GRIN3A: variants seen among roughly 807,000 people sequenced by gnomAD.
GRIN3A encodes glutamate receptor ionotropic, NMDA 3A.
Under a neutral mutation model 92.4 loss-of-function variants are expected in GRIN3A, and 47 were observed. The ratio of observed to expected loss-of-function variants is 0.51; its 90% CI spans 0.40 to 0.65. The LOEUF (loss-of-function observed/expected upper bound fraction) is 0.65, where lower values mean the gene tolerates loss of function less well. GRIN3A is among the 30% of genes least tolerant of loss of function. GRIN3A has a pLI of 0.00. For synonymous variants in GRIN3A, 527 were observed against 540.6 expected, an observed-to-expected ratio of 0.97 and a Z score of 0.35; for missense variants, 1,324 against 1,393.1, an observed-to-expected ratio of 0.95 and a Z score of 0.79.
At chr9:101,692,274 C>T (rs1346162577) in intron 1 of GRIN3A, among the ~76,000 whole-genome samples, 2 of 152,126 alleles carry the variant, frequency 1.3e-5, no homozygotes, top group Non-Finnish European at 2.9e-5. Flanking sequence ...GAGTCCTCCC[C>T]ACACCCCCAA....
At chr9:101,686,445 A>C (rs570651513) in intron 2 of GRIN3A, 151 bp downstream of exon 2, 1 of 880,902 alleles carries the variant, frequency 1.1e-6, no homozygotes, top group African/African-American at 1.6e-5. Flanking sequence ...ATCATGAAAT[A>C]CTAGCCTATA....
chr9:101,616,569 T>G (rs2118854533), intron 5 of GRIN3A, among the ~76,000 whole-genome samples: 1 of 152,150 alleles, frequency 6.6e-6, no homozygotes, highest in East Asian at 1.9e-4. Context: ...ACTCAGTTTT[T>G]TATGCGTTAT....
intron 6 of GRIN3A, among the ~76,000 whole-genome samples, chr9:101,582,239 C>A (rs1827896730): frequency 6.6e-6 from 1 of 152,198 alleles, no homozygotes; most frequent in Admixed American, 6.5e-5. Context: ...GGTCAGGACT[C>A]AGAAGAAAAG....
intron 1 of GRIN3A, among the ~76,000 whole-genome samples, chr9:101,725,816 G>A (rs1830077007): frequency 6.6e-6 from 1 of 152,146 alleles, no homozygotes; most frequent in Non-Finnish European, 1.5e-5. Context: ...GGCTTGCAAT[G>A]CTCCTTCCTT....
intron 6 of GRIN3A, among the ~76,000 whole-genome samples, chr9:101,609,545 GTTACTT>G (rs1158957751): frequency 1.3e-5 from 2 of 152,168 alleles, no homozygotes; most frequent in African/African-American, 2.4e-5. Context: ...TTTTAGGTTA[GTTACTT>G]TTACTTTGGA....
At position 101,654,325 on chromosome 9, in the gene GRIN3A, A is replaced by C. The variant is rs7046942; in HGVS notation, c.2352+15735T>G. On this transcript the variant is annotated intron_variant, in intron 3 of 8. Transcript: ENST00000361820. The stretch of plus-strand genomic sequence containing the variant: ...TGCACACACATATCAAATATACATA[A>C]GTACTATATTATACATGCTTTATAT... Among the ~76,000 whole-genome samples, 10 of 150,864 alleles carry C rather than the reference A, an allele frequency of 6.6e-5. No homozygotes were observed. In the East Asian group the frequency reaches 7.8e-4, roughly 12 times the overall value.
intron 6 of GRIN3A, among the ~76,000 whole-genome samples, chr9:101,588,995 G>T (rs754235929): frequency 6.6e-6 from 1 of 151,820 alleles, no homozygotes; most frequent in Middle Eastern, 3.4e-3. Context: ...TTTTGAGATG[G>T]CGTTTCACTG....
chr9:101,585,348 T>C (rs2118796529), intron 6 of GRIN3A, among the ~76,000 whole-genome samples: 1 of 151,922 alleles, frequency 6.6e-6, no homozygotes, highest in South Asian at 2.1e-4. Flanking sequence ...GTTTTTCAGC[T>C]ACACTCATGT....
At chr9:101,731,522 C>T (rs1830139419) in intron 1 of GRIN3A, among the ~76,000 whole-genome samples, 1 of 152,104 alleles carries the variant, frequency 6.6e-6, no homozygotes, top group Non-Finnish European at 1.5e-5. Flanking sequence ...AAGGAGTCAT[C>T]CTGCTTAATT....
At chr9:101,617,857 C>T (rs1828486950) in intron 5 of GRIN3A, among the ~76,000 whole-genome samples, 1 of 143,528 alleles carries the variant, frequency 7.0e-6, no homozygotes, top group Admixed American at 7.2e-5. Flanking sequence ...TCCATGTGAT[C>T]TCATTGTTCA....
At chr9:101,598,396 CAATTG>C (rs1369907773) in intron 6 of GRIN3A, among the ~76,000 whole-genome samples, 1 of 151,944 alleles carries the variant, frequency 6.6e-6, no homozygotes, top group Non-Finnish European at 1.5e-5. Flanking sequence ...ATTATTATCC[CAATTG>C]AATTAATTAG....
intron 6 of GRIN3A, among the ~76,000 whole-genome samples, chr9:101,598,158 C>T (rs1478595150): frequency 6.6e-6 from 1 of 151,822 alleles, no homozygotes; most frequent in African/African-American, 2.4e-5. Context: ...TTATATTAAC[C>T]CAATATATCC....
Position 101,715,469 on chromosome 9 carries a change from TA to T in GRIN3A, c.699+21811del, listed in dbSNP as rs576775604. On this transcript the variant is annotated intron_variant, in intron 1 of 8. Transcript: ENST00000361820. ...CTAGGAGTTCAAAATTCTCCATGTT[TA>T]AAGAAAAAGTTTTATGTAACAAATG... Among the ~76,000 whole-genome samples the T allele has an allele frequency of 5.1e-4, 77 of 152,264 alleles. 1 individual carries two copies. The highest frequency in any genetic ancestry group is 2.7e-3 in the South Asian group (13 of 4,830).
At chr9:101,710,334 G>A (rs1484491996) in intron 1 of GRIN3A, among the ~76,000 whole-genome samples, 1 of 152,192 alleles carries the variant, frequency 6.6e-6, no homozygotes, top group Admixed American at 6.5e-5. Context: ...TGAGTCTCAT[G>A]CATACACACA....
rs766215432 is a variant in GRIN3A at position 101,670,742 on chromosome 9, A to T, written c.1670T>A (p.Leu557His). ...MTNDSSTLDS[L>H]FSSLHSSNDT... is the part of the protein sequence containing the mutation. The stretch of plus-strand genomic sequence containing the variant: ...ATTACTGCTATGGAGGCTGCTAAAA[A>T]GGCTGTCCAATGTGGAAGAGTCATT... The change falls in exon 3 of 9, where the codon CTT (leucine) becomes CAT (histidine). Residue 557 changes from leucine (L) to histidine (H), a missense_variant. Physicochemically the swap from Leu to His is moderately conservative, Grantham distance 99 (BLOSUM62 -3). Coordinates refer to ENST00000361820, the MANE Select transcript of GRIN3A (RefSeq NM_133445.3). 1 of 1,614,080 alleles carries T rather than the reference A, an allele frequency of 6.2e-7. No homozygotes were observed. The highest frequency in any genetic ancestry group is 8.5e-7 in the Non-Finnish European group (1 of 1,179,968).
chr9:101,673,000 A>G (rs1829349496), intron 2 of GRIN3A, among the ~76,000 whole-genome samples: 1 of 152,196 alleles, frequency 6.6e-6, no homozygotes, highest in Non-Finnish European at 1.5e-5. Context: ...TTGTTAAAAC[A>G]CACACATATA....
At chr9:101,716,985 A>T (rs530291158) in intron 1 of GRIN3A, among the ~76,000 whole-genome samples, 1 of 152,264 alleles carries the variant, frequency 6.6e-6, no homozygotes, top group African/African-American at 2.4e-5. Flanking sequence ...TCAGTGACAT[A>T]CGATATCACT....
intron 3 of GRIN3A, among the ~76,000 whole-genome samples, chr9:101,637,457 T>C (rs181048319): frequency 2.0e-3 from 311 of 152,300 alleles, no homozygotes; most frequent in African/African-American, 6.8e-3. Flanking sequence ...TGTAAAAATA[T>C]GGAGCATGGG....
intron 5 of GRIN3A, among the ~76,000 whole-genome samples, chr9:101,616,888 T>TA (rs75080539): frequency 0.015 from 1,555 of 101,330 alleles, 10 homozygotes; most frequent in Admixed American, 0.017. Context: ...ACTTAAAGTA[T>TA]AAAAAAAAAA....
Sources: gnomAD v4.1 joint callset for allele counts (sites outside exome capture counted in the v4.1 genomes callset) on GRCh38, gnomAD v4.1.1 for gene constraint, MANE v1.5 for transcripts, NCBI Gene and HGNC (gene_info 2026-07-23, HGNC 2026-07-21) for gene names.